The following ETS1 variants were observed in gnomAD, a reference collection of about 807,000 sequenced individuals.
ETS1 encodes the protein ETS proto-oncogene 1, transcription factor, also known as protein C-ets-1.
In ETS1, 15 loss-of-function variants were observed where a neutral mutation model predicts 58.6. The observed-to-expected ratio is 0.26, with a 90% CI of 0.17 to 0.39. The LOEUF (loss-of-function observed/expected upper bound fraction) is 0.39. Ranked by LOEUF, ETS1 falls within the 10% of genes least tolerant of loss-of-function variation. The pLI is 1.00. For missense variants in ETS1, 417 were observed against 610.5 expected (o/e 0.68, Z 3.34); for synonymous variants, 214 against 218.2 (o/e 0.98, Z 0.17).
At chr11:128,553,192 G>A (rs1023552549) in intron 3 of ETS1, among the ~76,000 whole-genome samples, 12 of 152,148 alleles carry the variant, frequency 7.9e-5, no homozygotes, top group Admixed American at 5.2e-4. Flanking sequence ...ATTGGCTCTC[G>A]CTAATGGCTC....
At chr11:128,521,579 G>C (rs1014571448) in intron 3 of ETS1, among the ~76,000 whole-genome samples, 1 of 152,274 alleles carries the variant, frequency 6.6e-6, no homozygotes. Flanking sequence ...TAACATTAAG[G>C]AATAAGGCCA....
chr11:128,526,253 G>A (rs2135525682), intron 3 of ETS1: 1 of 152,724 alleles, frequency 6.5e-6, no homozygotes, highest in East Asian at 1.9e-4. Context: ...AGTAGTGTGG[G>A]CTTTGGAATA....
At chr11:128,533,047 C>T (rs1216077596) in intron 3 of ETS1, among the ~76,000 whole-genome samples, 2 of 152,174 alleles carry the variant, frequency 1.3e-5, no homozygotes, top group East Asian at 1.9e-4. Context: ...TCCTTAGCCC[C>T]GCTCCCATCG....
chr11:128,569,988 T>C lies in ETS1; in HGVS notation c.69+3074A>G, dbSNP rs141267078. ...AACGGATTATTTGGTTTGAAACCAATGGAAGCCATTCAAAATTTATTTAAA... is the reference window on the plus strand; with the variant it reads ...AACGGATTATTTGGTTTGAAACCAACGGAAGCCATTCAAAATTTATTTAAA... On this transcript the variant is annotated intron_variant, in intron 2 of 9. Coordinates refer to ENST00000392668, the MANE Select transcript of ETS1 (RefSeq NM_001143820.2). 2.3e-3 allele frequency among the ~76,000 whole-genome samples: 349 copies of C among 152,338 alleles called. 1 individual carries two copies. Among genetic ancestry groups the C allele is most frequent in the Non-Finnish European group, 3.7e-3 (250 of 68,030 alleles).
intron 3 of ETS1, among the ~76,000 whole-genome samples, chr11:128,551,145 A>G (rs1864222092): frequency 6.6e-6 from 1 of 152,246 alleles, no homozygotes; most frequent in African/African-American, 2.4e-5. Flanking sequence ...GGGGTGCAGC[A>G]GATGATAGTC....
At chr11:128,583,115 C>T (rs11221364) in intron 1 of ETS1, among the ~76,000 whole-genome samples, 45,967 of 152,046 alleles carry the variant, frequency 0.3, 8,597 homozygotes, top group Non-Finnish European at 0.42. Flanking sequence ...CAAGCTCCCA[C>T]GTGGTGCTGA....
intron 8 of ETS1, among the ~76,000 whole-genome samples, chr11:128,475,737 G>A (rs550285705): frequency 2.6e-5 from 4 of 152,158 alleles, no homozygotes; most frequent in African/African-American, 9.6e-5. Flanking sequence ...ATTTTTAGTA[G>A]AGACGGGGTT....
intron 8 of ETS1, among the ~76,000 whole-genome samples, chr11:128,479,214 A>C (rs1465187494): frequency 6.6e-6 from 1 of 152,232 alleles, no homozygotes. Context: ...CCTCAATAGA[A>C]ACACAGATCT....
intron 3 of ETS1, among the ~76,000 whole-genome samples, chr11:128,508,192 C>T (rs1696516577): frequency 6.6e-6 from 1 of 152,140 alleles, no homozygotes; most frequent in African/African-American, 2.4e-5. Flanking sequence ...TTTTAACAAC[C>T]GCTGAAGTAA....
intron 3 of ETS1, among the ~76,000 whole-genome samples, chr11:128,542,084 C>T (rs370770938): frequency 6.6e-6 from 1 of 152,166 alleles, no homozygotes; most frequent in African/African-American, 2.4e-5. Context: ...CTTTTTTACA[C>T]AGTATAGTTC....
chr11:128,564,190 C>T (rs1283249197), intron 2 of ETS1, among the ~76,000 whole-genome samples: 2 of 152,182 alleles, frequency 1.3e-5, no homozygotes, highest in African/African-American at 4.8e-5. Flanking sequence ...AACCACTCCC[C>T]AGCTCTCCGG....
chr11:128,532,423 C>A (rs1863911960), intron 3 of ETS1, among the ~76,000 whole-genome samples: 1 of 152,198 alleles, frequency 6.6e-6, no homozygotes, highest in Admixed American at 6.5e-5. Context: ...AGCCATTAAG[C>A]CTGGCAGCAG....
chr11:128,549,288 C>A lies in ETS1; in HGVS notation c.214+7003G>T, dbSNP rs1864190697. The stretch of plus-strand genomic sequence containing the variant: ...CTCGCCCCTCGCCCCTCGCCCCTCG[C>A]CCCTCTCCTGGGCTCCGGCTCCCAC... On this transcript the variant is annotated intron_variant, in intron 3 of 9. Transcript: ENST00000392668. The surrounding 1 kb of genome is among the most constrained non-coding windows in gnomAD (Gnocchi z 4.3). Among the ~76,000 whole-genome samples the A allele has an allele frequency of 6.6e-6, 1 of 151,262 alleles. No homozygotes were observed. Among genetic ancestry groups the A allele is most frequent in the Non-Finnish European group, 1.5e-5 (1 of 67,942 alleles).
chr11:128,494,437 A>G (rs1156668565), intron 3 of ETS1, among the ~76,000 whole-genome samples: 4 of 152,218 alleles, frequency 2.6e-5, no homozygotes, highest in African/African-American at 7.2e-5. Context: ...GACAGAAGTG[A>G]GCAGGTAGCT....
intron 3 of ETS1, among the ~76,000 whole-genome samples, chr11:128,520,742 A>C (rs1431396828): frequency 6.6e-6 from 1 of 152,188 alleles, no homozygotes; most frequent in Non-Finnish European, 1.5e-5. Context: ...CGTGACCTAC[A>C]TGTCTTTATT....
intron 2 of ETS1, among the ~76,000 whole-genome samples, chr11:128,565,390 C>T (rs938837198): frequency 3.3e-5 from 5 of 152,282 alleles, no homozygotes; most frequent in African/African-American, 9.6e-5. Flanking sequence ...GCATCCAGAA[C>T]GGTGAGCAAT....
intron 3 of ETS1, among the ~76,000 whole-genome samples, chr11:128,538,984 T>C (rs2135539896): frequency 6.6e-6 from 1 of 152,234 alleles, no homozygotes; most frequent in South Asian, 2.1e-4. Context: ...TAACAAATAA[T>C]AGGGGAGAAC....
In ETS1 at chr11:128,537,413, C is replaced by A. The variant is rs891699742; in HGVS notation, c.214+18878G>T. Among the ~76,000 whole-genome samples the A allele has an allele frequency of 1.8e-4, 28 of 152,210 alleles. 1 individual carries two copies. Among genetic ancestry groups the A allele is most frequent in the East Asian group, 7.7e-4 (4 of 5,174 alleles). On this transcript the variant is annotated intron_variant, in intron 3 of 9. Coordinates refer to ENST00000392668, the MANE Select transcript of ETS1 (RefSeq NM_001143820.2). ...TCAGAGTCGGAATAAGCAAAGCTGT[C>A]ATTGGGAGGTGGATACAGTAGGATC...
intron 3 of ETS1, among the ~76,000 whole-genome samples, chr11:128,543,513 C>A (rs1243557921): frequency 6.6e-6 from 1 of 152,094 alleles, no homozygotes; most frequent in Non-Finnish European, 1.5e-5. Flanking sequence ...ACATTTCAGA[C>A]CTTCCCTCCT....
Sources: gnomAD v4.1 joint callset for allele counts (sites outside exome capture counted in the v4.1 genomes callset) on GRCh38, gnomAD v4.1.1 for gene constraint, Gnocchi (gnomAD v3.1) non-coding constraint, MANE v1.5 for transcripts, NCBI Gene and HGNC (gene_info 2026-07-23, HGNC 2026-07-21) for gene names.